MAN1C1: variants seen among roughly 807,000 people sequenced by gnomAD.
MAN1C1 encodes the protein mannosyl-oligosaccharide 1,2-alpha-mannosidase IC.
In MAN1C1, 49 loss-of-function variants were observed where a neutral mutation model predicts 71.5. That is an observed-to-expected ratio of 0.69 (90% CI 0.54 to 0.87). The LOEUF (loss-of-function observed/expected upper bound fraction) is 0.87. Ranked by LOEUF, MAN1C1 falls within the 40% of genes least tolerant of loss-of-function variation. The pLI is 0.00. For missense variants in MAN1C1, 743 were observed against 835.0 expected, an observed-to-expected ratio of 0.89 and a Z score of 1.36; for synonymous variants, 352 against 343.7, an observed-to-expected ratio of 1.02 and a Z score of -0.27.
intron 1 of MAN1C1, among the ~76,000 whole-genome samples, chr1:25,619,449 G>C (rs1274690489): frequency 6.6e-6 from 1 of 152,240 alleles, no homozygotes; most frequent in African/African-American, 2.4e-5. Context: ...GTCAAGACCT[G>C]CTCAGAGCCG....
chr1:25,718,399 G>A (rs1006046336), intron 2 of MAN1C1, among the ~76,000 whole-genome samples: 3 of 152,056 alleles, frequency 2.0e-5, no homozygotes, highest in African/African-American at 7.2e-5. Context: ...CTGTCCCTGG[G>A]ATATTTTTAC....
intron 2 of MAN1C1, among the ~76,000 whole-genome samples, chr1:25,700,515 A>G (rs2046427887): frequency 6.6e-6 from 1 of 152,174 alleles, no homozygotes; most frequent in Admixed American, 6.5e-5. Context: ...TGGGCAGAGG[A>G]TGTGAAAATG....
chr1:25,720,462 C>T (rs1200367532), intron 2 of MAN1C1, among the ~76,000 whole-genome samples: 2 of 152,128 alleles, frequency 1.3e-5, no homozygotes, highest in Admixed American at 6.5e-5. Flanking sequence ...CCACCCACCT[C>T]GGCCTCCCAA....
intron 2 of MAN1C1, among the ~76,000 whole-genome samples, chr1:25,699,654 T>C (rs1172676560): frequency 6.6e-6 from 1 of 152,160 alleles, no homozygotes; most frequent in East Asian, 1.9e-4. Context: ...TATGGTCTCT[T>C]GAGTTACTTC....
At chr1:25,664,287 A>G (rs2045890952) in intron 1 of MAN1C1, among the ~76,000 whole-genome samples, 1 of 149,542 alleles carries the variant, frequency 6.7e-6, no homozygotes, top group African/African-American at 2.5e-5. Context: ...TTTAATCCCT[A>G]TTTTTCATAT....
chr1:25,649,020 C>G (rs2045654386), intron 1 of MAN1C1, among the ~76,000 whole-genome samples: 1 of 152,200 alleles, frequency 6.6e-6, no homozygotes, highest in Non-Finnish European at 1.5e-5. Context: ...CAGGGGAAGG[C>G]AAATCAGTGT....
intron 1 of MAN1C1, among the ~76,000 whole-genome samples, chr1:25,676,601 T>A (rs1240820916): frequency 6.6e-6 from 1 of 152,180 alleles, no homozygotes; most frequent in African/African-American, 2.4e-5. Flanking sequence ...AGTCATTAGA[T>A]CCCAGGATCG....
In MAN1C1 at chr1:25,738,769, A is replaced by T. The variant is rs1032140405; in HGVS notation, c.638-7899A>T. On this transcript the variant is annotated intron_variant, in intron 2 of 11. Coordinates refer to ENST00000374332, the MANE Select transcript of MAN1C1 (RefSeq NM_020379.4). ...GCTCTCTACATGTTTTCTCCTTGAG[A>T]GCTAGCTATCTTGGGCTTCCTTACA... is the stretch of plus-strand genomic sequence containing the variant. 5.9e-5 allele frequency among the ~76,000 whole-genome samples: 9 copies of T among 152,298 alleles called. 4 individuals are homozygous for T. The highest frequency in any genetic ancestry group is 5.9e-4 in the Admixed American group (9 of 15,296).
intron 2 of MAN1C1, among the ~76,000 whole-genome samples, chr1:25,692,704 T>C (rs528038345): frequency 1.4e-4 from 22 of 152,276 alleles, no homozygotes; most frequent in African/African-American, 4.8e-4. Context: ...AGTGACCACA[T>C]ACAGTGGCCG....
chr1:25,708,397 A>T (rs1195484287), intron 2 of MAN1C1, among the ~76,000 whole-genome samples: 1 of 152,192 alleles, frequency 6.6e-6, no homozygotes, highest in Non-Finnish European at 1.5e-5. Flanking sequence ...GGACAATGGG[A>T]GGTCACTTTC....
chr1:25,718,035 C>G (rs1254626592), intron 2 of MAN1C1, among the ~76,000 whole-genome samples: 1 of 151,400 alleles, frequency 6.6e-6, no homozygotes. Context: ...CATAGCCATT[C>G]CCCCATTCTT....
intron 7 of MAN1C1, among the ~76,000 whole-genome samples, chr1:25,767,788 ACG>A (rs2047462497): frequency 1.0e-5 from 1 of 98,604 alleles, no homozygotes. Context: ...CCTAACACAC[ACG>A]CATTACACAC....
At chr1:25,665,855 CTTTTTTT>C (rs757054975) in intron 1 of MAN1C1, among the ~76,000 whole-genome samples, 106 of 96,882 alleles carry the variant, frequency 1.1e-3, no homozygotes, top group African/African-American at 4.2e-3. Context: ...TTGGCATTGG[CTTTTTTT>C]TTTTTTTTTT....
chr1:25,635,505 A>C (rs1020111166), intron 1 of MAN1C1, among the ~76,000 whole-genome samples: 3 of 148,486 alleles, frequency 2.0e-5, no homozygotes, highest in African/African-American at 7.5e-5. Context: ...GCTGGAGTGC[A>C]ATGGTGCGAT....
At chr1:25,627,236 A>T (rs1002423915) in intron 1 of MAN1C1, among the ~76,000 whole-genome samples, 1 of 151,614 alleles carries the variant, frequency 6.6e-6, no homozygotes, top group Admixed American at 6.6e-5. Context: ...TTTATCTTTT[A>T]TGTCATTCCA....
chr1:25,690,082 A>T (rs1442984464), intron 2 of MAN1C1, among the ~76,000 whole-genome samples: 1 of 151,988 alleles, frequency 6.6e-6, no homozygotes, highest in Non-Finnish European at 1.5e-5. Context: ...ATCTATTCTT[A>T]CTTTAAGGAC....
In MAN1C1 at chr1:25,778,805, C is replaced by T. The variant is rs1202957277; in HGVS notation, c.1477+481C>T. 6.6e-6 allele frequency among the ~76,000 whole-genome samples: 1 copy of T among 152,138 alleles called. No individual in the cohort carries two copies. The highest frequency in any genetic ancestry group is 1.9e-4 in the East Asian group (1 of 5,184). Reference sequence around the variant, plus strand: ...CCTCCTGCTCCCACCTGTTTAGTCGCCCTCTTTGACCCATGATCACCGGAA... The same window carrying T: ...CCTCCTGCTCCCACCTGTTTAGTCGTCCTCTTTGACCCATGATCACCGGAA... On this transcript the variant is annotated intron_variant, in intron 9 of 11. Transcript: ENST00000374332. The surrounding 1 kb of genome is among the most constrained non-coding windows in gnomAD (Gnocchi z 5.5).
chr1:25,698,480 C>T (rs1408617983), intron 2 of MAN1C1, among the ~76,000 whole-genome samples: 2 of 152,160 alleles, frequency 1.3e-5, no homozygotes, highest in African/African-American at 2.4e-5. Context: ...GCGCTACAGA[C>T]TGTTTAGGCA....
chr1:25,753,673 G>C lies in MAN1C1; in HGVS notation c.929+95G>C. The stretch of plus-strand genomic sequence containing the variant: ...TGGTGCTGGTGAGGAGGCTCCAGGG[G>C]CAGTAGGCAGGCAAGCAGGAGGGGG... On this transcript the variant is annotated intron_variant, in intron 5 of 11. Coordinates refer to ENST00000374332, the MANE Select transcript of MAN1C1 (RefSeq NM_020379.4). The surrounding 1 kb of genome is among the most constrained non-coding windows in gnomAD (Gnocchi z 4.9). 9.1e-7 allele frequency: 1 copy of C among 1,097,014 alleles called. No homozygotes were observed. The highest frequency in any genetic ancestry group is 1.3e-6 in the Non-Finnish European group (1 of 756,752). 68.0% of individuals were successfully genotyped at this position (1,097,014 alleles called of 1,614,324 possible).
Sources: gnomAD v4.1 joint callset for allele counts (sites outside exome capture counted in the v4.1 genomes callset) on GRCh38, gnomAD v4.1.1 for gene constraint, Gnocchi (gnomAD v3.1) non-coding constraint, MANE v1.5 for transcripts, NCBI Gene and HGNC (gene_info 2026-07-23, HGNC 2026-07-21) for gene names.